RAD51B: variants seen among roughly 807,000 people sequenced by gnomAD.
RAD51B encodes DNA repair protein RAD51 homolog 2.
RAD51B carries 38 observed loss-of-function variants against 42.2 expected under a neutral mutation model. The observed-to-expected ratio is 0.90, with a 90% confidence interval of 0.70 to 1.18. RAD51B has a LOEUF of 1.18. Ranked by LOEUF, RAD51B falls within the 50% of genes most tolerant of loss-of-function variation. RAD51B has a pLI of 0.00. For missense variants in RAD51B, 373 were observed against 400.7 expected, an observed-to-expected ratio of 0.93 and a Z score of 0.59; for synonymous variants, 154 against 145.2, an observed-to-expected ratio of 1.06 and a Z score of -0.43.
intron 7 of RAD51B, among the ~76,000 whole-genome samples, chr14:68,140,937 C>T (rs568565611): frequency 5.9e-4 from 90 of 152,316 alleles, no homozygotes; most frequent in African/African-American, 2.1e-3. Flanking sequence ...ATAGTTCAAA[C>T]TCTGAACTGG....
At chr14:67,934,338 A>G (rs1290445974) in intron 7 of RAD51B, among the ~76,000 whole-genome samples, 1 of 152,218 alleles carries the variant, frequency 6.6e-6, no homozygotes, top group East Asian at 1.9e-4. Flanking sequence ...AAGAGAGGAA[A>G]GAAGTGGGAG....
chr14:68,588,629 A>G (rs779738832), intron 10 of RAD51B, among the ~76,000 whole-genome samples: 14 of 152,176 alleles, frequency 9.2e-5, no homozygotes, highest in Admixed American at 2.6e-4. Flanking sequence ...AGGAGATACA[A>G]CATGTAACTT....
chr14:68,138,772 A>G (rs990256113), intron 7 of RAD51B, among the ~76,000 whole-genome samples: 35 of 152,324 alleles, frequency 2.3e-4, no homozygotes, highest in African/African-American at 8.4e-4. Context: ...TCAAAACTCA[A>G]TGTGAGCTTA....
intron 7 of RAD51B, among the ~76,000 whole-genome samples, chr14:68,124,093 A>C (rs991504023): frequency 1.3e-5 from 2 of 152,174 alleles, no homozygotes. Context: ...TCTTTCCCCC[A>C]TTTTTTAAAA....
At chr14:68,577,219 G>A (rs967422439) in intron 10 of RAD51B, among the ~76,000 whole-genome samples, 11 of 152,156 alleles carry the variant, frequency 7.2e-5, no homozygotes, top group Non-Finnish European at 1.2e-4. Flanking sequence ...ACATGGGTCC[G>A]GGAGAGAGTT....
intron 7 of RAD51B, among the ~76,000 whole-genome samples, chr14:68,108,314 A>T (rs2077407612): frequency 6.6e-6 from 1 of 152,040 alleles, no homozygotes. Flanking sequence ...AAAACTTTGT[A>T]CATAAATATC....
At chr14:68,268,351 G>A (rs1181683914) in intron 7 of RAD51B, among the ~76,000 whole-genome samples, 1 of 152,152 alleles carries the variant, frequency 6.6e-6, no homozygotes, top group East Asian at 1.9e-4. Flanking sequence ...CTGATCACCA[G>A]CACGTCACTC....
At chr14:68,124,817 C>T (rs569033969) in intron 7 of RAD51B, among the ~76,000 whole-genome samples, 4 of 151,854 alleles carry the variant, frequency 2.6e-5, no homozygotes, top group African/African-American at 4.8e-5. Flanking sequence ...CTGGGCATGG[C>T]GGGCACCTGT....
At chr14:68,656,865 A>G (rs1466446598) in intron 11 of RAD51B, among the ~76,000 whole-genome samples, 1 of 152,158 alleles carries the variant, frequency 6.6e-6, no homozygotes. Flanking sequence ...CCCATTCACT[A>G]TGCGGGATCA....
downstream of RAD51B, among the ~76,000 whole-genome samples, chr14:68,480,288 G>A (rs2140261235): frequency 6.6e-6 from 1 of 152,254 alleles, no homozygotes; most frequent in South Asian, 2.1e-4. Flanking sequence ...TGTTGGCCAG[G>A]CTGGTCTCGA....
At chr14:67,844,760 C>G (rs2041553746) in intron 4 of RAD51B, among the ~76,000 whole-genome samples, 1 of 151,950 alleles carries the variant, frequency 6.6e-6, no homozygotes, top group African/African-American at 2.4e-5. Context: ...CTAATGCTAT[C>G]CTTCCCCGCT....
chr14:68,595,724 T>C (rs1051419701), exon 11 of RAD51B: 1 of 725,762 alleles, frequency 1.4e-6, no homozygotes, highest in Non-Finnish European at 1.8e-6. Flanking sequence ...TACTAGATGG[T>C]CATTAAAATT....
exon 11 of RAD51B, chr14:68,611,203 G>T (rs1478649851): frequency 1.4e-6 from 1 of 702,994 alleles, no homozygotes; most frequent in Admixed American, 2.0e-5. Flanking sequence ...TACAAACTGG[G>T]CAACTGGAAT....
intron 5 of RAD51B, among the ~76,000 whole-genome samples, chr14:67,876,188 TTGAATGATGAATGAACA>T (rs1293028651): frequency 0.015 from 1 of 66 alleles, no homozygotes; most frequent in Non-Finnish European, 0.028. Flanking sequence ...GTAATATATA[TTGAATGATGAATGAACA>T]GAGATATAGT....
At chr14:67,942,393 C>T (rs1356200947) in intron 7 of RAD51B, among the ~76,000 whole-genome samples, 1 of 152,096 alleles carries the variant, frequency 6.6e-6, no homozygotes. Context: ...ATGGAAATCA[C>T]AATGTAGCAG....
intron 8 of RAD51B, among the ~76,000 whole-genome samples, chr14:68,306,241 G>T (rs1225860851): frequency 6.6e-6 from 1 of 151,922 alleles, no homozygotes; most frequent in African/African-American, 2.4e-5. Flanking sequence ...CTCCATTTTG[G>T]GTTGGCTTAG....
chr14:68,579,090 G>T (rs1477960688), intron 10 of RAD51B, among the ~76,000 whole-genome samples: 1 of 152,270 alleles, frequency 6.6e-6, no homozygotes, highest in East Asian at 1.9e-4. Context: ...CAGCTCTCTT[G>T]ACTCTCCATG....
intron 5 of RAD51B, among the ~76,000 whole-genome samples, chr14:67,878,905 G>A (rs1012643321): frequency 1.3e-5 from 2 of 152,038 alleles, no homozygotes; most frequent in African/African-American, 4.8e-5. Context: ...TTAAAGACGG[G>A]GTTTCGCCAT....
At chr14:68,421,990 G>A (rs1156438017) in intron 9 of RAD51B, 7 of 1,527,554 alleles carry the variant, frequency 4.6e-6, no homozygotes, top group Non-Finnish European at 6.4e-6. Flanking sequence ...CCATTATGGT[G>A]ACTTCACAGT....
Sources: allele counts gnomAD v4.1 joint callset (sites outside exome capture counted in the v4.1 genomes callset), GRCh38; gene constraint gnomAD v4.1.1; transcripts MANE v1.5; gene names NCBI Gene and HGNC (gene_info 2026-07-23, HGNC 2026-07-21).